ANK2: variants seen among roughly 807,000 people sequenced by gnomAD.
ANK2 encodes ankyrin-2.
A neutral mutation model predicts 360.5 loss-of-function variants in ANK2; 83 were observed. The ratio of observed to expected loss-of-function variants is 0.23; its 90% confidence interval spans 0.19 to 0.28. The LOEUF is 0.28. Among genes scored for constraint, ANK2 ranks in the 10% least tolerant of loss-of-function variants. The pLI is 1.00. For synonymous variants in ANK2, 1,740 were observed against 1,759.5 expected (o/e 0.99, Z 0.28); for missense variants, 4,201 against 4,795.7 (o/e 0.88, Z 3.66).
At chr4:113,229,351 C>G (rs971841410) in intron 4 of ANK2, among the ~76,000 whole-genome samples, 9 of 152,194 alleles carry the variant, frequency 5.9e-5, no homozygotes, top group Admixed American at 5.9e-4. Context: ...ATCTCCAAAG[C>G]CAGCAGTGTA....
At chr4:113,170,112 G>A (rs1224446243) in intron 1 of ANK2, among the ~76,000 whole-genome samples, 1 of 152,176 alleles carries the variant, frequency 6.6e-6, no homozygotes, top group Non-Finnish European at 1.5e-5. Flanking sequence ...ATAGCTTTAA[G>A]AGAATATAAT....
Position 113,151,326 on chromosome 4 carries a change from A to C in ANK2, c.85-23090A>C, listed in dbSNP as rs1583138982. The stretch of plus-strand genomic sequence containing the variant: ...AAGAAAAGAGGTTTATTTGGATCAC[A>C]GTTCTGCAAGCTGTACAAGAAGCAT... On this transcript the variant is annotated intron_variant, in intron 1 of 45. Coordinates refer to ENST00000357077, the MANE Select transcript of ANK2 (RefSeq NM_001148.6). 3 of 370,252 alleles carry C rather than the reference A, an allele frequency of 8.1e-6. No individual in the cohort carries two copies. The East Asian group carries it at 2.3e-4, about 29-fold the overall frequency. 22.9% of individuals were successfully genotyped at this position (370,252 alleles called of 1,614,324 possible).
At chr4:112,833,342 A>G (rs2149705292) in intron 1 of ANK2, among the ~76,000 whole-genome samples, 1 of 152,314 alleles carries the variant, frequency 6.6e-6, no homozygotes, top group East Asian at 1.9e-4. Context: ...GAGATATCTG[A>G]TTTTAGAGAT....
intron 2 of ANK2, among the ~76,000 whole-genome samples, chr4:112,922,335 T>C (rs2091734053): frequency 6.6e-6 from 1 of 152,232 alleles, no homozygotes; most frequent in Admixed American, 6.5e-5. Flanking sequence ...CTCATGGTGT[T>C]GCATTCAATC....
chr4:113,165,552 A>C (rs1356139242), intron 1 of ANK2, among the ~76,000 whole-genome samples: 2 of 152,196 alleles, frequency 1.3e-5, no homozygotes, highest in African/African-American at 2.4e-5. Flanking sequence ...CTGTTCAAAC[A>C]GTATGGTTAG....
the ANK2 span, among the ~76,000 whole-genome samples, chr4:112,801,718 A>G: frequency 1.3e-5 from 2 of 152,186 alleles, no homozygotes; most frequent in Admixed American, 6.5e-5. Context: ...ATAAAAAAAG[A>G]TGAGTGTGGT....
chr4:112,782,602 C>T, the ANK2 span, among the ~76,000 whole-genome samples: 1 of 151,964 alleles, frequency 6.6e-6, no homozygotes, highest in Non-Finnish European at 1.5e-5. Context: ...CTCGGTGGCT[C>T]ACGCCTGTAA....
Position 113,237,095 on chromosome 4 carries a change from A to G in ANK2, c.592A>G (p.Ile198Val). 1 of 1,614,186 alleles carries G rather than the reference A, an allele frequency of 6.2e-7. No individual in the cohort carries two copies. Among genetic ancestry groups the G allele is most frequent in the Non-Finnish European group, 8.5e-7 (1 of 1,180,012 alleles). Reference sequence around the variant, plus strand: ...GAAAGTGAGGCTGCCAGCTCTGCATATTGCCGCTAGGAAAGACGACACCAA... The same window carrying G: ...GAAAGTGAGGCTGCCAGCTCTGCATGTTGCCGCTAGGAAAGACGACACCAA... Reference protein sequence around the residue: ...KGKVRLPALHIAARKDDTKSA... With the variant: ...KGKVRLPALHVAARKDDTKSA... The change falls in exon 6 of 46, where the codon ATT becomes GTT. Residue 198 changes from isoleucine (I) to valine (V), a missense_variant. Ile to Val is a conservative substitution (Grantham distance 29). Coordinates refer to ENST00000357077, the MANE Select transcript of ANK2 (RefSeq NM_001148.6).
At position 113,373,161 on chromosome 4, in the gene ANK2, C is replaced by T. The variant is rs758235027; in HGVS notation, c.11682C>T (p.Thr3894=). 36 of 1,613,678 alleles carry T rather than the reference C, an allele frequency of 2.2e-5. No individual in the cohort carries two copies. Among genetic ancestry groups the T allele is most frequent in the South Asian group, 7.7e-5 (7 of 91,076 alleles). ...AATACATTGATGAGCATGGACACAC[C>T]GTGGTAAAGAAGGTATTGTCTAGTA... ...EEEYIDEHGH[T]VVKKVTRKII... The change falls in exon 44 of 46, where the codon ACC becomes ACT. Residue 3894 remains threonine (T), a synonymous_variant. Coordinates refer to ENST00000357077, the MANE Select transcript of ANK2 (RefSeq NM_001148.6).
chr4:112,775,926 G>A, the ANK2 span, among the ~76,000 whole-genome samples: 6 of 152,204 alleles, frequency 3.9e-5, no homozygotes, highest in Non-Finnish European at 8.8e-5. Flanking sequence ...ACATGTTGCA[G>A]CCCAGCCACC....
At chr4:112,976,665 C>CT (rs917998528) in intron 2 of ANK2, among the ~76,000 whole-genome samples, 215 of 142,764 alleles carry the variant, frequency 1.5e-3, no homozygotes, top group South Asian at 3.1e-3. Context: ...GCTGTATTTG[C>CT]TTTTTTTTTT....
chr4:112,962,513 A>G (rs1156906952), intron 2 of ANK2, among the ~76,000 whole-genome samples: 1 of 152,200 alleles, frequency 6.6e-6, no homozygotes, highest in Non-Finnish European at 1.5e-5. Flanking sequence ...ATAAAAGTGC[A>G]TGTATCTTTT....
the ANK2 span, among the ~76,000 whole-genome samples, chr4:112,795,993 T>A: frequency 6.6e-6 from 1 of 150,886 alleles, no homozygotes; most frequent in Non-Finnish European, 1.5e-5. Flanking sequence ...AGAGATGGAG[T>A]TTCACTATGT....
intron 1 of ANK2, among the ~76,000 whole-genome samples, chr4:112,846,330 T>C (rs2149872270): frequency 6.6e-6 from 1 of 152,204 alleles, no homozygotes; most frequent in Middle Eastern, 3.4e-3. Flanking sequence ...CAGGCTGGCC[T>C]CCAACTCTGG....
chr4:113,330,162 G>A, intron 26 of ANK2, 84 bp from the exon 27 acceptor site: 3 of 1,294,372 alleles, frequency 2.3e-6, no homozygotes, highest in Admixed American at 3.9e-5. Context: ...TTGAGACAAA[G>A]CATTACGAAA....
intron 2 of ANK2, among the ~76,000 whole-genome samples, chr4:112,923,709 C>T (rs181054859): frequency 1.4e-4 from 22 of 152,164 alleles, no homozygotes; most frequent in Admixed American, 1.3e-3. Context: ...ATTAAGCAAT[C>T]TCTTGAGTAA....
chr4:112,808,101 A>G, the ANK2 span, among the ~76,000 whole-genome samples: 7 of 152,252 alleles, frequency 4.6e-5, no homozygotes, highest in Admixed American at 1.3e-4. Flanking sequence ...ATGTGAGCCA[A>G]TAGTGAAGAG....
chr4:113,353,327 C>A lies in ANK2; in HGVS notation c.4709C>A (p.Thr1570Asn). The A allele has an allele frequency of 6.2e-7, 1 of 1,613,830 alleles. No individual in the cohort carries two copies. Among genetic ancestry groups the A allele is most frequent in the Non-Finnish European group, 8.5e-7 (1 of 1,179,904 alleles). Reference protein sequence around the residue: ...EKVNEILRSGTCTRDESSVQS... With the variant: ...EKVNEILRSGNCTRDESSVQS... ...GTGAATGAAATCCTGAGAAGTGGAA[C>A]CTGCACAAGAGATGAAAGCAGTGTG... Residue 1570 changes from threonine to asparagine, a missense_variant, in exon 38 of 46, where the codon ACC (threonine) becomes AAC (asparagine). Physicochemically the swap from Thr to Asn is moderately conservative, Grantham distance 65. Around this residue, in one of 4 missense-constraint regions of ANK2, gnomAD observed 1,268 missense variants for 1,650.8 expected, o/e 0.77. Transcript: ENST00000357077.
chr4:113,278,622 A>G (rs2061129423), intron 17 of ANK2, 64 bp downstream of exon 17: 12 of 1,506,882 alleles, frequency 8.0e-6, no homozygotes, highest in Non-Finnish European at 1.1e-5. Flanking sequence ...ACACATGAGA[A>G]TTGTCTTTTA....
Sources: gnomAD v4.1 joint callset for allele counts (sites outside exome capture counted in the v4.1 genomes callset) on GRCh38, gnomAD v4.1.1 for gene constraint, gnomAD v4.1.1 regional missense constraint, MANE v1.5 for transcripts, NCBI Gene and HGNC (gene_info 2026-07-23, HGNC 2026-07-21) for gene names.